Variants in RFX8 observed in about 807,000 individuals in gnomAD.
The protein encoded by RFX8 is regulatory factor X8.
RFX8 carries 46 observed loss-of-function variants against 54.6 expected under a neutral mutation model. That is an observed-to-expected ratio of 0.84 (90% CI 0.67 to 1.08). The LOEUF (loss-of-function observed/expected upper bound fraction) is 1.08. Among genes scored for constraint, RFX8 ranks in the 50% least tolerant of loss-of-function variants. RFX8 has a pLI of 0.00. For missense variants in RFX8, 536 were observed against 562.3 expected, an observed-to-expected ratio of 0.95 and a Z score of 0.47; for synonymous variants, 192 against 209.5, an observed-to-expected ratio of 0.92 and a Z score of 0.72.
chr2:101,442,092 T>C (rs950975695), intron 2 of RFX8, among the ~76,000 whole-genome samples: 17 of 152,234 alleles, frequency 1.1e-4, no homozygotes, highest in African/African-American at 3.9e-4. Context: ...AGTGGTCACA[T>C]GAGTATTACA....
chr2:101,455,276 G>A (rs1375927027), intron 2 of RFX8, among the ~76,000 whole-genome samples: 1 of 152,138 alleles, frequency 6.6e-6, no homozygotes, highest in Admixed American at 6.5e-5. Context: ...GCCTCCTAAA[G>A]TGCTGGGATT....
chr2:101,474,196 G>A (rs1690173639), intron 1 of RFX8: 1 of 626,328 alleles, frequency 1.6e-6, no homozygotes, highest in Admixed American at 2.7e-5. Context: ...GCGCCTGGCG[G>A]CTCACCACTG....
chr2:101,406,693 C>T (rs890869684), intron 9 of RFX8, among the ~76,000 whole-genome samples: 4 of 152,186 alleles, frequency 2.6e-5, no homozygotes, highest in South Asian at 2.1e-4. Flanking sequence ...ACAGAAACAC[C>T]GTAGGGACAG....
intron 1 of RFX8, chr2:101,474,124 C>T (rs1690165233): frequency 5.5e-6 from 3 of 541,328 alleles, no homozygotes; most frequent in Non-Finnish European, 9.7e-6. Flanking sequence ...GTCCCGAGGG[C>T]AGCCGTAGCG....
intron 2 of RFX8, among the ~76,000 whole-genome samples, chr2:101,429,544 C>A (rs751509145): frequency 2.6e-5 from 4 of 152,106 alleles, no homozygotes; most frequent in African/African-American, 9.7e-5. Flanking sequence ...CTATGCAGTA[C>A]GGTGCATTTT....
intron 1 of RFX8, chr2:101,474,326 G>C (rs1297358500): frequency 2.2e-6 from 1 of 462,380 alleles, no homozygotes; most frequent in Non-Finnish European, 3.8e-6. Flanking sequence ...CGGCGGCCGT[G>C]GGCGGCGCTG....
At chr2:101,413,550 C>T (rs1686291070) in intron 7 of RFX8, among the ~76,000 whole-genome samples, 1 of 152,184 alleles carries the variant, frequency 6.6e-6, no homozygotes, top group South Asian at 2.1e-4. Flanking sequence ...TAGTCCCCAA[C>T]ACTGTCCGAC....
chr2:101,413,397 G>A (rs1573373590), intron 7 of RFX8, among the ~76,000 whole-genome samples: 1 of 152,146 alleles, frequency 6.6e-6, no homozygotes, highest in East Asian at 1.9e-4. Flanking sequence ...CCTCTGCAAG[G>A]AAGGTGTAGG....
At chr2:101,414,747 C>T (rs1193994118) in intron 7 of RFX8, 107 bp downstream of exon 7, 19 of 828,564 alleles carry the variant, frequency 2.3e-5, no homozygotes, top group Non-Finnish European at 2.9e-5. Context: ...CTGCCCTCTG[C>T]CCTCCAGATG....
intron 2 of RFX8, among the ~76,000 whole-genome samples, chr2:101,433,954 CAT>C (rs948430386): frequency 5.9e-5 from 9 of 152,114 alleles, no homozygotes; most frequent in African/African-American, 9.7e-5. Context: ...CACATTGAGA[CAT>C]ATGTCATTAT....
chr2:101,403,092 C>G (rs1685541553), intron 10 of RFX8, among the ~76,000 whole-genome samples: 1 of 152,174 alleles, frequency 6.6e-6, no homozygotes, highest in African/African-American at 2.4e-5. Flanking sequence ...CTCATCGTGC[C>G]CCATGTATGA....
intron 8 of RFX8, among the ~76,000 whole-genome samples, chr2:101,412,448 G>C (rs1300406914): frequency 6.6e-6 from 1 of 152,180 alleles, no homozygotes; most frequent in Non-Finnish European, 1.5e-5. Flanking sequence ...ATGAAATATG[G>C]TAAAAGCACC....
At chr2:101,470,064 G>A (rs1294344482) in intron 1 of RFX8, among the ~76,000 whole-genome samples, 2 of 152,050 alleles carry the variant, frequency 1.3e-5, no homozygotes, top group African/African-American at 4.8e-5. Flanking sequence ...TTTGAAAGTG[G>A]ACTTTGTCAC....
intron 2 of RFX8, among the ~76,000 whole-genome samples, chr2:101,457,495 AG>A (rs1456730067): frequency 1.3e-5 from 2 of 152,186 alleles, no homozygotes; most frequent in Non-Finnish European, 2.9e-5. Flanking sequence ...CAGGTTGTTC[AG>A]TTTCCATGTA....
intron 10 of RFX8, among the ~76,000 whole-genome samples, chr2:101,403,972 G>C (rs1206656316): frequency 6.6e-6 from 1 of 152,178 alleles, no homozygotes; most frequent in Non-Finnish European, 1.5e-5. Flanking sequence ...AAAGGGATCT[G>C]TCCTCAGGGT....
At chr2:101,473,702 G>A (rs1690136738) in intron 1 of RFX8, among the ~76,000 whole-genome samples, 1 of 152,146 alleles carries the variant, frequency 6.6e-6, no homozygotes, top group South Asian at 2.1e-4. Context: ...AGTCCCAAGG[G>A]CTGAGGATAT....
intron 3 of RFX8, 83 bp from the exon 4 acceptor site, chr2:101,421,860 A>C (rs1475559213): frequency 1.0e-6 from 1 of 987,032 alleles, no homozygotes; most frequent in Non-Finnish European, 1.5e-6. Context: ...TGAAGCTCTC[A>C]GAGGCCGCTC....
chr2:101,469,041 T>TATAC (rs577848709), intron 1 of RFX8, among the ~76,000 whole-genome samples: 2 of 20,872 alleles, frequency 9.6e-5, no homozygotes, highest in African/African-American at 3.1e-4. Context: ...CGTATATATA[T>TATAC]GTATATATAT....
intron 2 of RFX8, among the ~76,000 whole-genome samples, chr2:101,431,903 A>T (rs977852410): frequency 5.9e-5 from 9 of 152,066 alleles, no homozygotes; most frequent in Admixed American, 5.2e-4. Context: ...GCCTGAAGGG[A>T]CGTGCCTGCC....
Sources: allele counts gnomAD v4.1 joint callset (sites outside exome capture counted in the v4.1 genomes callset), GRCh38; gene constraint gnomAD v4.1.1; transcripts MANE v1.5; gene names NCBI Gene and HGNC (gene_info 2026-07-23, HGNC 2026-07-21).